The following DOCK9 variants were observed in gnomAD, a reference collection of about 807,000 sequenced individuals.
DOCK9 encodes the protein dedicator of cytokinesis protein 9.
In DOCK9, 89 loss-of-function variants were observed where a neutral mutation model predicts 263.3. The ratio of observed to expected loss-of-function variants is 0.34; its 90% CI spans 0.28 to 0.40. The LOEUF is 0.40. DOCK9 is among the 10% of genes least tolerant of loss of function. The probability of loss-of-function intolerance (pLI) is 1.00; values close to 1 mark genes in which losing one functional copy is unlikely to be tolerated. For synonymous variants in DOCK9, 976 were observed against 973.1 expected, an observed-to-expected ratio of 1.00 and a Z score of -0.06; for missense variants, 2,140 against 2,603.4, an observed-to-expected ratio of 0.82 and a Z score of 3.87.
chr13:98,932,131 G>A (rs1397579090), intron 2 of DOCK9, among the ~76,000 whole-genome samples: 4 of 151,960 alleles, frequency 2.6e-5, no homozygotes, highest in Non-Finnish European at 4.4e-5. Context: ...GGTGACTGAC[G>A]CCTGTAATCC....
chr13:98,856,034 A>C lies in DOCK9; in HGVS notation c.3698-3T>G. 1 of 1,613,770 alleles carries C rather than the reference A, an allele frequency of 6.2e-7. No individual in the cohort carries two copies. Among genetic ancestry groups the C allele is most frequent in the African/African-American group, 1.3e-5 (1 of 75,074 alleles). The stretch of plus-strand genomic sequence containing the variant: ...AGTTGAGGTTGTATATGGAGAAGCT[A>C]AATGGAAATCAAGCCAACAATAAAG... On this transcript the variant is annotated splice_region_variant and splice_polypyrimidine_tract_variant and intron_variant, in intron 33 of 52. Coordinates refer to ENST00000682017, the MANE Select transcript of DOCK9 (RefSeq NM_001366683.2).
chr13:99,063,952 G>A (rs1023543309), intron 1 of DOCK9, among the ~76,000 whole-genome samples: 2 of 152,134 alleles, frequency 1.3e-5, no homozygotes, highest in Non-Finnish European at 2.9e-5. Flanking sequence ...TGAAATGGAG[G>A]CTCAACACTT....
At chr13:98,918,307 G>A (rs951116331) in intron 7 of DOCK9, among the ~76,000 whole-genome samples, 1 of 152,068 alleles carries the variant, frequency 6.6e-6, no homozygotes, top group Non-Finnish European at 1.5e-5. Context: ...AGACCAAGGT[G>A]GCCAGAATAT....
intron 7 of DOCK9, 150 bp from the exon 8 acceptor site, chr13:98,915,653 C>CT (rs949901683): frequency 1.9e-5 from 12 of 636,642 alleles, no homozygotes; most frequent in South Asian, 1.4e-4. Context: ...AAAGCCCCCC[C>CT]CCATGAAATC....
At chr13:98,862,268 T>C (rs1383718503) in intron 32 of DOCK9, among the ~76,000 whole-genome samples, 1 of 152,212 alleles carries the variant, frequency 6.6e-6, no homozygotes, top group African/African-American at 2.4e-5. Flanking sequence ...AATAAATTCA[T>C]GTCTACCTGG....
chr13:98,831,414 G>C lies in DOCK9; in HGVS notation c.4569C>G (p.Leu1523=), dbSNP rs1390491239. The C allele has an allele frequency of 1.9e-6, 3 of 1,602,642 alleles. No individual in the cohort carries two copies. The Admixed American group carries it at 5.1e-5, about 27-fold the overall frequency. ...SSIRTEASQL[L]YFLMRNNFDY... Reference sequence around the variant, plus strand: ...CAAAGTTGTTCCTCATCAGGAAGTAGAGCAGCTGGGAGGCCTCCGTCCTGA... The same window carrying C: ...CAAAGTTGTTCCTCATCAGGAAGTACAGCAGCTGGGAGGCCTCCGTCCTGA... Residue 1523 remains leucine, a synonymous_variant, in exon 41 of 53, where the codon CTC becomes CTG. Coordinates refer to ENST00000682017, the MANE Select transcript of DOCK9 (RefSeq NM_001366683.2).
At chr13:99,042,904 T>A (rs1888600242) in intron 1 of DOCK9, among the ~76,000 whole-genome samples, 1 of 152,220 alleles carries the variant, frequency 6.6e-6, no homozygotes, top group Non-Finnish European at 1.5e-5. Context: ...TGTAGCCTGC[T>A]TCACAGACCC....
intron 2 of DOCK9, among the ~76,000 whole-genome samples, chr13:98,951,515 C>T (rs2057404236): frequency 6.6e-6 from 1 of 152,194 alleles, no homozygotes; most frequent in South Asian, 2.1e-4. Flanking sequence ...CTTCTCAGGA[C>T]CACAGCACGG....
rs555451986 is a variant in DOCK9, at chr13:99,026,946, G to A, written c.129+59277C>T. Among the ~76,000 whole-genome samples, 44 of 151,870 alleles carry A rather than the reference G, an allele frequency of 2.9e-4. No individual in the cohort carries two copies. The South Asian group carries it at 3.1e-3, about 11-fold the overall frequency. ...GAGTACCTTTAACAGTGTGCTACAC[G>A]GGAATGAATTCCTGCTATATTCCAA... is the stretch of plus-strand genomic sequence containing the variant. On this transcript the variant is annotated intron_variant, in intron 1 of 32. Transcript: ENST00000427887.
chr13:99,049,700 T>C (rs2040599393), intron 1 of DOCK9, among the ~76,000 whole-genome samples: 2 of 152,182 alleles, frequency 1.3e-5, no homozygotes, highest in African/African-American at 4.8e-5. Flanking sequence ...AATTTTTTTG[T>C]AGAGACAGGG....
chr13:99,057,739 A>C (rs1343834310), intron 1 of DOCK9, among the ~76,000 whole-genome samples: 1 of 152,228 alleles, frequency 6.6e-6, no homozygotes, highest in Non-Finnish European at 1.5e-5. Context: ...GCAATTTCAA[A>C]AGCATAGATA....
intron 1 of DOCK9, among the ~76,000 whole-genome samples, chr13:99,075,803 T>C (rs1483136810): frequency 6.6e-6 from 1 of 152,188 alleles, no homozygotes; most frequent in Non-Finnish European, 1.5e-5. Context: ...AATCTCAATT[T>C]GAATCTCAAT....
intron 27 of DOCK9, among the ~76,000 whole-genome samples, chr13:98,871,548 T>C (rs965312720): frequency 2.0e-5 from 3 of 152,206 alleles, no homozygotes; most frequent in South Asian, 2.1e-4. Flanking sequence ...CATTTCAAGG[T>C]AATGAAGACC....
intron 45 of DOCK9, among the ~76,000 whole-genome samples, chr13:98,816,090 A>T (rs184244467): frequency 1.1e-4 from 17 of 152,320 alleles, no homozygotes; most frequent in African/African-American, 3.8e-4. Flanking sequence ...CATCTACTAC[A>T]TGCAAGGCAC....
intron 37 of DOCK9, chr13:98,846,815 A>T (rs2093407484): frequency 8.5e-6 from 3 of 351,280 alleles, no homozygotes; most frequent in Non-Finnish European, 1.7e-5. Flanking sequence ...TGTTCATCAA[A>T]CTCGACCACC....
intron 1 of DOCK9, among the ~76,000 whole-genome samples, chr13:99,028,512 T>C (rs1887010225): frequency 6.6e-6 from 1 of 152,090 alleles, no homozygotes; most frequent in African/African-American, 2.4e-5. Context: ...AAATCTCAAC[T>C]ACTGAAAAGT....
chr13:99,049,942 C>T lies in DOCK9; in HGVS notation c.129+36281G>A, dbSNP rs566730118. Reference sequence around the variant, plus strand: ...GATAATGAATGCTGCAGGTTCTCTCCTAGGCCAACATCTTCATGACATCTA... The same window carrying T: ...GATAATGAATGCTGCAGGTTCTCTCTTAGGCCAACATCTTCATGACATCTA... On this transcript the variant is annotated intron_variant, in intron 1 of 32. Coordinates refer to the DOCK9 transcript ENST00000427887. 3.3e-5 allele frequency among the ~76,000 whole-genome samples: 5 copies of T among 152,318 alleles called. 1 individual carries two copies. The South Asian group carries it at 1.0e-3, about 32-fold the overall frequency.
chr13:98,946,972 C>T (rs2056796882), intron 2 of DOCK9, among the ~76,000 whole-genome samples: 1 of 152,240 alleles, frequency 6.6e-6, no homozygotes, highest in Admixed American at 6.5e-5. Context: ...GCCCAGGCTT[C>T]AGTCCGTCAT....
Position 98,797,235 on chromosome 13 carries a change from G to T in DOCK9, c.6036C>A (p.Cys2012Ter). Residue 2012 changes from cysteine to a stop codon, truncating the protein, a stop_gained, in exon 52 of 53, where the codon TGC becomes TGA. Transcript: ENST00000682017. LOFTEE classifies it high-confidence loss of function. ...GTTCGTTTACCGCTAAGGCTTGACC[G>T]CAAGCTTCCACAAATTGCCTGGAAT... Reference protein sequence around the residue: ...KEVFRQFVEACGQALAVNERL... With the variant: ...KEVFRQFVEA 6.2e-7 allele frequency: 1 copy of T among 1,613,848 alleles called. No homozygotes were observed. The highest frequency in any genetic ancestry group is 8.5e-7 in the Non-Finnish European group (1 of 1,179,842).
Sources: allele counts gnomAD v4.1 joint callset (sites outside exome capture counted in the v4.1 genomes callset), GRCh38; gene constraint gnomAD v4.1.1; transcripts MANE v1.5; gene names NCBI Gene and HGNC (gene_info 2026-07-23, HGNC 2026-07-21).